The following PRPF8 variants were observed in gnomAD, a reference collection of about 807,000 sequenced individuals.
PRPF8 encodes the protein pre-mRNA processing factor 8.
A neutral mutation model predicts 285.9 loss-of-function variants in PRPF8; 64 were observed. The observed-to-expected ratio is 0.22, with a 90% CI of 0.18 to 0.28. The LOEUF (loss-of-function observed/expected upper bound fraction) is 0.28. Ranked by LOEUF, PRPF8 falls within the 10% of genes least tolerant of loss-of-function variation. The pLI is 1.00. For missense variants in PRPF8, 1,426 were observed against 3,026.7 expected (o/e 0.47, Z 12.41); for synonymous variants, 1,325 against 1,118.2 (o/e 1.18, Z -3.69).
chr17:1,676,221 G>A lies in PRPF8; in HGVS notation c.2538C>T (p.Leu846=). The A allele has an allele frequency of 6.2e-7, 1 of 1,613,734 alleles. No homozygotes were observed. Among genetic ancestry groups the A allele is most frequent in the Middle Eastern group, 1.7e-4 (1 of 5,822 alleles). ...TKLLILALER[L]KEAYSVKSRL... is the part of the protein sequence containing the mutation. Reference sequence around the variant, plus strand: ...CTACTACTCACCTATAAGCTTCCTTGAGCCGCTCCAATGCCAAGATGAGCA... The same window carrying A: ...CTACTACTCACCTATAAGCTTCCTTAAGCCGCTCCAATGCCAAGATGAGCA... The change falls in exon 17 of 43, where the codon CTC becomes CTT. Residue 846 remains leucine, a synonymous_variant. Transcript: ENST00000304992. The surrounding 1 kb of genome is among the most constrained non-coding windows in gnomAD (Gnocchi z 6.3).
chr17:1,674,410 C>T, intron 21 of PRPF8, 32 bp downstream of exon 21: 1 of 1,604,500 alleles, frequency 6.2e-7, no homozygotes, highest in Non-Finnish European at 8.5e-7. Flanking sequence ...CCTCAGTACC[C>T]TGCAAGGCTA....
At chr17:1,660,059 T>A in intron 30 of PRPF8, 58 bp from the exon 31 acceptor site, 1 of 1,569,462 alleles carries the variant, frequency 6.4e-7, no homozygotes, top group Admixed American at 1.7e-5. Context: ...AAAATCAGAG[T>A]TTGTACAATA....
chr17:1,654,988 C>A, intron 37 of PRPF8: 1 of 200,506 alleles, frequency 5.0e-6, no homozygotes, highest in Non-Finnish European at 9.9e-6. Flanking sequence ...GAGACAGTCT[C>A]ACTCTTGTCG....
intron 24 of PRPF8, among the ~76,000 whole-genome samples, chr17:1,665,571 C>T (rs1233137850): frequency 2.0e-5 from 3 of 150,650 alleles, no homozygotes. Context: ...CAGCTGGGCA[C>T]GGTGGCTCAC....
Position 1,661,553 on chromosome 17 carries a change from G to A in PRPF8, c.4202+58C>T, listed in dbSNP as rs552050369. The A allele has an allele frequency of 5.6e-5, 90 of 1,610,316 alleles. 1 individual carries two copies. In the Middle Eastern group the frequency reaches 1.0e-3, roughly 19 times the overall value. On this transcript the variant is annotated intron_variant, in intron 26 of 42. Coordinates refer to ENST00000304992, the MANE Select transcript of PRPF8 (RefSeq NM_006445.4). The surrounding 1 kb of genome is among the most constrained non-coding windows in gnomAD (Gnocchi z 7.3). ...CATGCTCTGACCCTGAACTCCACACGGTTCAAAGGCCACCACTGCCCCTGC... is the reference window on the plus strand; with the variant it reads ...CATGCTCTGACCCTGAACTCCACACAGTTCAAAGGCCACCACTGCCCCTGC...
In PRPF8 at chr17:1,661,446, A is replaced by ATTTCTCT; in HGVS notation, c.4203-41_4203-40insAGAGAAA. On this transcript the variant is annotated intron_variant, in intron 26 of 42. Transcript: ENST00000304992. The surrounding 1 kb of genome is among the most constrained non-coding windows in gnomAD (Gnocchi z 7.3). ...AAGATTCAAGTCAAAACGTGATCTC[A>ATTTCTCT]TATGAGGAGCTCAGCACTCCTTCCT... 6.2e-7 allele frequency: 1 copy of ATTTCTCT among 1,613,990 alleles called. No homozygotes were observed. The highest frequency in any genetic ancestry group is 8.5e-7 in the Non-Finnish European group (1 of 1,180,018).
intron 3 of PRPF8, chr17:1,683,168 T>G: frequency 6.1e-6 from 2 of 325,450 alleles, no homozygotes; most frequent in South Asian, 5.1e-5. Flanking sequence ...GCTAATTTTG[T>G]GTATTTTTAG....
intron 5 of PRPF8, 56 bp from the exon 6 acceptor site, chr17:1,681,746 C>T: frequency 6.2e-7 from 1 of 1,609,512 alleles, no homozygotes; most frequent in Non-Finnish European, 8.5e-7. Context: ...ACCCATACCA[C>T]CTACTGATCT....
chr17:1,655,346 T>C lies in PRPF8; in HGVS notation c.5987+4A>G. On this transcript the variant is annotated splice_donor_region_variant and intron_variant, in intron 37 of 42. Transcript: ENST00000304992. The stretch of plus-strand genomic sequence containing the variant: ...CTGTCTGTGTCCCCACCAGCACTGC[T>C]CACTTGTTTTTCTTGCCGTAGTCAG... 6.2e-7 allele frequency: 1 copy of C among 1,612,954 alleles called. No homozygotes were observed. Among genetic ancestry groups the C allele is most frequent in the South Asian group, 1.1e-5 (1 of 91,026 alleles).
At chr17:1,678,928 C>A (rs773639528) in intron 11 of PRPF8, 47 bp from the exon 12 acceptor site, 94 of 1,613,744 alleles carry the variant, frequency 5.8e-5, no homozygotes, top group Non-Finnish European at 7.9e-5. Context: ...AGCAATGGAC[C>A]CAACTGATGT....
At chr17:1,665,514 G>A (rs1026936292) in intron 24 of PRPF8, among the ~76,000 whole-genome samples, 12 of 148,770 alleles carry the variant, frequency 8.1e-5, no homozygotes, top group Non-Finnish European at 1.0e-4. Context: ...CTCCAGCCTG[G>A]GCGACAGAGC....
chr17:1,683,479 G>C (rs1050815499), intron 3 of PRPF8, 54 bp downstream of exon 3: 3 of 1,586,926 alleles, frequency 1.9e-6, no homozygotes, highest in Non-Finnish European at 2.6e-6. Context: ...TGTGGGACAG[G>C]GAGAAGGGAA....
At position 1,658,289 on chromosome 17, in the gene PRPF8, G is replaced by A. The variant is rs115404141; in HGVS notation, c.5469C>T (p.His1823=). The part of the protein sequence containing the change: ...RTGQLFLKII[H]TSVWAGQKRL... ...GCTTCTGTCCCGCCCACACGGACGT[G>A]TGGATTATCTTGAGGAACAGCTGCC... The change falls in exon 34 of 43, where the codon CAC becomes CAT. Residue 1823 remains histidine, a synonymous_variant. Transcript: ENST00000304992. This position sits in a 1 kb window ranked among gnomAD's most constrained non-coding sequence, Gnocchi z 4.1. 9.8e-4 allele frequency: 1,576 copies of A among 1,614,222 alleles called. 10 individuals are homozygous for A. In the African/African-American group the frequency reaches 0.019, roughly 19 times the overall value.
chr17:1,658,710 G>A lies in PRPF8; in HGVS notation c.5192C>T (p.Ala1731Val). The A allele has an allele frequency of 6.2e-7, 1 of 1,614,220 alleles. No homozygotes were observed. Among genetic ancestry groups the A allele is most frequent in the Non-Finnish European group, 8.5e-7 (1 of 1,180,040 alleles). The change falls in exon 33 of 43, where the codon GCC (alanine) becomes GTC (valine). Residue 1731 changes from alanine to valine, a missense_variant. By Grantham distance (64) the Ala-to-Val change is moderately conservative. Around this residue, in one of 34 missense-constraint regions of PRPF8, gnomAD observed 74 missense variants for 161.8 expected, o/e 0.46. Coordinates refer to ENST00000304992, the MANE Select transcript of PRPF8 (RefSeq NM_006445.4). The surrounding 1 kb of genome is among the most constrained non-coding windows in gnomAD (Gnocchi z 4.1). ...GGCAGGGTTTGCCTTCATGATCTTG[G>A]CCATGGCCTGTTGTATGAGAGGCTT... ...GSKPLIQQAM[A>V]KIMKANPALY...
At chr17:1,667,404 G>C (rs1304467387) in intron 24 of PRPF8, among the ~76,000 whole-genome samples, 2 of 152,144 alleles carry the variant, frequency 1.3e-5, no homozygotes, top group African/African-American at 4.8e-5. Flanking sequence ...ATTCCTGGGG[G>C]ATAAGGGGAG....
intron 36 of PRPF8, among the ~76,000 whole-genome samples, chr17:1,656,180 C>T (rs918897612): frequency 1.1e-4 from 17 of 152,180 alleles, no homozygotes; most frequent in African/African-American, 3.9e-4. Context: ...AACTCAGCCT[C>T]CCAAAGTGCT....
chr17:1,678,364 T>TC (rs1188628485), intron 13 of PRPF8, 154 bp downstream of exon 13: 17 of 962,180 alleles, frequency 1.8e-5, no homozygotes, highest in Non-Finnish European at 2.7e-5. Flanking sequence ...GCACCTGTAA[T>TC]CCCAGCTACT....
Position 1,681,589 on chromosome 17 carries a change from T to C in PRPF8, c.755A>G (p.Asp252Gly), listed in dbSNP as rs1270532252. 6.2e-7 allele frequency: 1 copy of C among 1,613,944 alleles called. No individual in the cohort carries two copies. Residue 252 changes from aspartate (D) to glycine (G), a missense_variant, in exon 6 of 43, where the codon GAC (aspartate) becomes GGC (glycine). This residue lies in a region of PRPF8 where 157 missense variants were observed against 159.6 expected (regional missense o/e 0.98). Coordinates refer to ENST00000304992, the MANE Select transcript of PRPF8 (RefSeq NM_006445.4). ...CAAATCAAACAGGTAGAAGTAGTTG[T>C]CATCCACCAAGTCTGTCAGGAGCTG... ...ANQLLTDLVD[D>G]NYFYLFDLKA...
rs1056174231 is a variant in PRPF8, at chr17:1,673,585, A to G, written c.3447-18T>C. 4 of 1,613,722 alleles carry G rather than the reference A, an allele frequency of 2.5e-6. No individual in the cohort carries two copies. The highest frequency in any genetic ancestry group is 2.2e-5 in the East Asian group (1 of 44,892). On this transcript the variant is annotated intron_variant, in intron 22 of 42. Transcript: ENST00000304992. The surrounding 1 kb of genome is among the most constrained non-coding windows in gnomAD (Gnocchi z 5.5). The stretch of plus-strand genomic sequence containing the variant: ...CCCGGCCTCTGCCCACAGAGAACAC[A>G]TGGTCACAGCAGTTTCTTGGAAGGA...
Sources: allele counts gnomAD v4.1 joint callset (sites outside exome capture counted in the v4.1 genomes callset), GRCh38; gene constraint gnomAD v4.1.1; regional missense constraint gnomAD v4.1.1; non-coding constraint Gnocchi (gnomAD v3.1); transcripts MANE v1.5; gene names NCBI Gene and HGNC (gene_info 2026-07-23, HGNC 2026-07-21).